Variants in ANXA10 observed in about 807,000 individuals in gnomAD.
ANXA10 encodes the protein annexin 14.
A neutral mutation model predicts 53.5 loss-of-function variants in ANXA10; 49 were observed. The observed-to-expected ratio is 0.92, with a 90% CI of 0.73 to 1.16. The LOEUF is 1.16. Among genes scored for constraint, ANXA10 ranks in the 50% most tolerant of loss-of-function variants. ANXA10 has a pLI of 0.00. For synonymous variants in ANXA10, 131 were observed against 128.9 expected, an observed-to-expected ratio of 1.02 and a Z score of -0.11; for missense variants, 393 against 394.4, an observed-to-expected ratio of 1.00 and a Z score of 0.03.
rs59482770 is a variant in ANXA10 at position 168,179,417 on chromosome 4, A to G, written c.724+105A>G. The G allele has an allele frequency of 3.7e-3, 2,845 of 761,616 alleles. 43 individuals carry two copies. Among genetic ancestry groups the G allele is most frequent in the African/African-American group, 0.037 (2,105 of 56,386 alleles). 47.2% of individuals were successfully genotyped at this position (761,616 alleles called of 1,614,324 possible). A position where few individuals can be genotyped will look rare whatever the true frequency, so the allele number is the denominator to read the frequency against. On this transcript the variant is annotated intron_variant, in intron 9 of 11. Transcript: ENST00000359299. ...GCATGAGTAAGCTCTTGATCGAGTC[A>G]TTTTCCCTTGAATTTAATTTTTTAA...
intron 2 of ANXA10, among the ~76,000 whole-genome samples, chr4:168,130,991 T>C (rs1371256603): frequency 6.6e-6 from 1 of 151,914 alleles, no homozygotes; most frequent in Non-Finnish European, 1.5e-5. Flanking sequence ...CAATTTCAAA[T>C]TCATTGATTA....
intron 10 of ANXA10, 38 bp from the exon 11 acceptor site, chr4:168,184,521 C>G: frequency 6.2e-7 from 1 of 1,610,250 alleles, no homozygotes; most frequent in Non-Finnish European, 8.5e-7. Flanking sequence ...TTTTAGGATG[C>G]TGTCTTCTCA....
chr4:168,094,528 TG>T (rs1357530043), intron 1 of ANXA10, among the ~76,000 whole-genome samples: 5 of 152,126 alleles, frequency 3.3e-5, no homozygotes, highest in African/African-American at 1.2e-4. Context: ...AGCAAGAGAC[TG>T]GCTCTTCTGT....
At chr4:168,133,350 G>A (rs1731185313) in intron 2 of ANXA10, among the ~76,000 whole-genome samples, 1 of 152,060 alleles carries the variant, frequency 6.6e-6, no homozygotes, top group Non-Finnish European at 1.5e-5. Flanking sequence ...TCTGCACGAT[G>A]CTGTTTGGAA....
At chr4:168,177,154 GCCCTCATAA>G (rs1469611019) in intron 6 of ANXA10, among the ~76,000 whole-genome samples, 1 of 152,052 alleles carries the variant, frequency 6.6e-6, no homozygotes, top group African/African-American at 2.4e-5. Context: ...CTCCCCACTG[GCCCTCATAA>G]CCCTCAGGAA....
At chr4:168,185,095 A>G (rs1345110841) in intron 11 of ANXA10, among the ~76,000 whole-genome samples, 1 of 152,162 alleles carries the variant, frequency 6.6e-6, no homozygotes, top group Non-Finnish European at 1.5e-5. Flanking sequence ...CGGAGCTTGC[A>G]GTGAGCTGAG....
At chr4:168,148,401 G>T (rs1260598421) in intron 3 of ANXA10, among the ~76,000 whole-genome samples, 3 of 152,142 alleles carry the variant, frequency 2.0e-5, no homozygotes, top group African/African-American at 7.2e-5. Flanking sequence ...TCCTGACCTT[G>T]TGATCCACCC....
intron 3 of ANXA10, among the ~76,000 whole-genome samples, chr4:168,155,881 GTTATATATAATATATGATATATCATATA>G (rs1187665265): frequency 3.0e-4 from 1 of 3,292 alleles, no homozygotes; most frequent in African/African-American, 9.1e-4. Context: ...TATATTATAT[GTTATATATAATATATGATATATCATATA>G]TTATATTATA....
chr4:168,137,351 G>A (rs1731253947), intron 2 of ANXA10, among the ~76,000 whole-genome samples: 1 of 152,144 alleles, frequency 6.6e-6, no homozygotes. Context: ...TACTTGTGGA[G>A]TCTGTGCTTT....
chr4:168,151,458 T>G (rs890764729), intron 3 of ANXA10, among the ~76,000 whole-genome samples: 4 of 152,204 alleles, frequency 2.6e-5, no homozygotes, highest in Admixed American at 2.0e-4. Context: ...AGTCTGCAGT[T>G]TCATTGGCAA....
intron 2 of ANXA10, among the ~76,000 whole-genome samples, chr4:168,139,271 C>G (rs1056919574): frequency 7.9e-5 from 12 of 152,120 alleles, no homozygotes; most frequent in African/African-American, 2.9e-4. Context: ...TCCTTCAATG[C>G]CTAGTTTAAA....
intron 1 of ANXA10, among the ~76,000 whole-genome samples, chr4:168,116,386 T>C (rs1337662639): frequency 6.6e-6 from 1 of 152,232 alleles, no homozygotes; most frequent in African/African-American, 2.4e-5. Context: ...CTTCTGAATC[T>C]ATGCCTCTTT....
chr4:168,153,571 G>C (rs1237896216), intron 3 of ANXA10, among the ~76,000 whole-genome samples: 2 of 151,754 alleles, frequency 1.3e-5, no homozygotes, highest in African/African-American at 4.8e-5. Flanking sequence ...GACAGACAAA[G>C]ATGGGGGACG....
At chr4:168,168,212 T>G (rs1375274237) in intron 6 of ANXA10, among the ~76,000 whole-genome samples, 1 of 152,196 alleles carries the variant, frequency 6.6e-6, no homozygotes, top group African/African-American at 2.4e-5. Context: ...TTATCATGTC[T>G]GTCTTCAACC....
At chr4:168,144,650 CCCACACATAGTGTA>C (rs1193726805) in intron 3 of ANXA10, among the ~76,000 whole-genome samples, 14 of 152,188 alleles carry the variant, frequency 9.2e-5, no homozygotes, top group Admixed American at 3.3e-4. Context: ...GCTATTATGT[CCCACACATAGTGTA>C]CCACACATAG....
chr4:168,169,211 C>A (rs906989384), intron 6 of ANXA10, among the ~76,000 whole-genome samples: 6 of 152,056 alleles, frequency 3.9e-5, no homozygotes, highest in Admixed American at 6.6e-5. Context: ...TGAATATTTT[C>A]TTTTACATTT....
At chr4:168,149,255 T>G (rs894275842) in intron 3 of ANXA10, among the ~76,000 whole-genome samples, 1 of 152,212 alleles carries the variant, frequency 6.6e-6, no homozygotes. Context: ...TAGACCAAAG[T>G]CTGTCCGTCT....
At chr4:168,166,366 A>C (rs1731878090) in intron 6 of ANXA10, among the ~76,000 whole-genome samples, 1 of 152,234 alleles carries the variant, frequency 6.6e-6, no homozygotes, top group Admixed American at 6.5e-5. Context: ...AATGATATAT[A>C]AGTATTTCCA....
At chr4:168,115,495 A>ACGCG (rs201109740) in intron 1 of ANXA10, among the ~76,000 whole-genome samples, 13 of 110,620 alleles carry the variant, frequency 1.2e-4, no homozygotes, top group African/African-American at 6.1e-4. Context: ...TACAATACAC[A>ACGCG]CGCACACACA....
Sources: gnomAD v4.1 joint callset for allele counts (sites outside exome capture counted in the v4.1 genomes callset) on GRCh38, gnomAD v4.1.1 for gene constraint, MANE v1.5 for transcripts, NCBI Gene and HGNC (gene_info 2026-07-23, HGNC 2026-07-21) for gene names.